CEP135: variants seen among roughly 807,000 people sequenced by gnomAD.
CEP135 encodes the protein centrosomal protein 135, also known as centrosomal protein of 135 kDa.
A neutral mutation model predicts 157.3 loss-of-function variants in CEP135; 142 were observed. That is an observed-to-expected ratio of 0.90 (90% CI 0.79 to 1.04). The LOEUF (loss-of-function observed/expected upper bound fraction) is 1.04. CEP135 is among the 50% of genes least tolerant of loss of function. CEP135 has a pLI of 0.00. For synonymous variants in CEP135, 396 were observed against 439.8 expected (o/e 0.90, Z 1.25); for missense variants, 1,317 against 1,309.2 (o/e 1.01, Z -0.09).
intron 8 of CEP135, among the ~76,000 whole-genome samples, chr4:55,968,475 G>A (rs1049669487): frequency 6.6e-6 from 1 of 150,408 alleles, no homozygotes; most frequent in Non-Finnish European, 1.5e-5. Flanking sequence ...AGGATATAAT[G>A]AGTACAGTTT....
In CEP135 at chr4:55,957,279, G is replaced by T; in HGVS notation, c.529G>T (p.Val177Phe). 6.2e-7 allele frequency: 1 copy of T among 1,614,088 alleles called. No homozygotes were observed. The highest frequency in any genetic ancestry group is 2.2e-5 in the East Asian group (1 of 44,882). ...RRQRMQIDEP[V>F]PPSEVSSYPV... ...CCAGCGTATGCAAATTGATGAACCG[G>T]TTCCTCCCTCTGAAGTCAGTTCATA... is the stretch of plus-strand genomic sequence containing the variant. The change falls in exon 5 of 26, where the codon GTT becomes TTT. Residue 177 changes from valine to phenylalanine, a missense_variant. Coordinates refer to ENST00000257287, the MANE Select transcript of CEP135 (RefSeq NM_025009.5).
At chr4:55,991,178 G>A (rs180986663) in intron 14 of CEP135, among the ~76,000 whole-genome samples, 9 of 152,076 alleles carry the variant, frequency 5.9e-5, no homozygotes, top group East Asian at 3.9e-4. Context: ...GGGTTTCACC[G>A]TGCTAGCCAG....
intron 14 of CEP135, among the ~76,000 whole-genome samples, 200 bp from the exon 15 acceptor site, chr4:55,991,734 C>T (rs1344316406): frequency 6.6e-6 from 1 of 151,996 alleles, no homozygotes; most frequent in East Asian, 1.9e-4. Context: ...TTGTTTGTAT[C>T]TTTAATGGTA....
rs778486860 is a variant in CEP135, at chr4:55,974,736, T to A, written c.1250-10T>A. On this transcript the variant is annotated splice_polypyrimidine_tract_variant and intron_variant, in intron 10 of 25. Transcript: ENST00000257287. ...ACATTATTTTAAGAGTTAACCACTT[T>A]AATTTACAGAACGACAACTTACTCT... The A allele has an allele frequency of 6.2e-7, 1 of 1,601,396 alleles. No homozygotes were observed. The highest frequency in any genetic ancestry group is 1.3e-5 in the African/African-American group (1 of 74,302).
At chr4:56,012,014 G>A in intron 21 of CEP135, 29 bp downstream of exon 21, 1 of 1,271,976 alleles carries the variant, frequency 7.9e-7, no homozygotes, top group Non-Finnish European at 1.0e-6. Flanking sequence ...TTGTAAAGAT[G>A]TTATTTAGTG....
rs202125581 is a variant in CEP135, at chr4:55,980,141, A to G, written c.1474-2A>G. The G allele has an allele frequency of 2.5e-5, 40 of 1,606,700 alleles. No individual in the cohort carries two copies. In the East Asian group the frequency reaches 8.3e-4, roughly 33 times the overall value. ...ATATTTTGTTTTTTAATTATGTTTCAGGGTGATTACAATTCAGAAATTCAT... is the reference window on the plus strand; with the variant it reads ...ATATTTTGTTTTTTAATTATGTTTCGGGGTGATTACAATTCAGAAATTCAT... On this transcript the variant is annotated splice_acceptor_variant, in intron 11 of 25. Transcript: ENST00000257287. LOFTEE classifies it high-confidence loss of function.
At chr4:55,987,395 C>T (rs1326729992) in intron 14 of CEP135, among the ~76,000 whole-genome samples, 1 of 152,168 alleles carries the variant, frequency 6.6e-6, no homozygotes, top group African/African-American at 2.4e-5. Flanking sequence ...TAATACCTGT[C>T]CTGCAAACTT....
intron 2 of CEP135, 98 bp downstream of exon 2, chr4:55,952,341 C>T (rs915414732): frequency 3.3e-5 from 24 of 717,814 alleles, no homozygotes; most frequent in Non-Finnish European, 4.6e-5. Context: ...GGGTAGCTTT[C>T]CGGAAAGGCT....
At chr4:55,976,685 C>T (rs1371527691) in intron 11 of CEP135, among the ~76,000 whole-genome samples, 4 of 152,002 alleles carry the variant, frequency 2.6e-5, no homozygotes, top group African/African-American at 9.7e-5. Flanking sequence ...TTTTAGAGGC[C>T]CAATAATAAA....
chr4:56,009,840 A>G lies in CEP135; in HGVS notation c.2442A>G (p.Glu814=), dbSNP rs377413753. 1 of 1,613,964 alleles carries G rather than the reference A, an allele frequency of 6.2e-7. No homozygotes were observed. Residue 814 remains glutamate (E), a synonymous_variant, in exon 19 of 26, where the codon GAA becomes GAG. Transcript: ENST00000257287. ...TCGATGAAGTAGGAAGATCTAGAGA[A>G]ATCGCTTTTAAGGAAAACAGAAGAC... ...KELDEVGRSR[E]IAFKENRRLQ...
chr4:55,991,980 A>G lies in CEP135; in HGVS notation c.1904A>G (p.Lys635Arg), dbSNP rs1247906747. Residue 635 changes from lysine to arginine, a missense_variant, in exon 15 of 26, where the codon AAA becomes AGA. Physicochemically the swap from Lys to Arg is conservative, Grantham distance 26. Transcript: ENST00000257287. The part of the protein sequence containing the change: ...YELKSKVLIM[K>R]ETIESLENKL... ...TTAAAGTCTAAAGTGTTAATAATGA[A>G]AGAAACAATAGAGTCGTTAGAGAAC... 1.3e-6 allele frequency: 2 copies of G among 1,568,950 alleles called. No individual in the cohort carries two copies. Among genetic ancestry groups the G allele is most frequent in the South Asian group, 2.3e-5 (2 of 85,616 alleles).
chr4:55,969,134 T>C lies in CEP135; in HGVS notation c.1110+6T>C, dbSNP rs371803603. On this transcript the variant is annotated splice_donor_region_variant and intron_variant, in intron 9 of 25. Transcript: ENST00000257287. The stretch of plus-strand genomic sequence containing the variant: ...CAATGGCAAAACTTCAGCTGGTAAG[T>C]TGATGTCATGTTGAATTGCCAGCAT... The C allele has an allele frequency of 1.9e-6, 3 of 1,610,304 alleles. No homozygotes were observed. In the African/African-American group the frequency reaches 4.0e-5, roughly 22 times the overall value.
At chr4:55,982,103 G>C (rs1018832414) in intron 13 of CEP135, among the ~76,000 whole-genome samples, 2 of 152,020 alleles carry the variant, frequency 1.3e-5, no homozygotes, top group Non-Finnish European at 2.9e-5. Context: ...GCACATTAGC[G>C]TCACTCCCCA....
At chr4:56,013,683 A>G (rs1245754327) in intron 21 of CEP135, among the ~76,000 whole-genome samples, 1 of 152,214 alleles carries the variant, frequency 6.6e-6, no homozygotes, top group Non-Finnish European at 1.5e-5. Context: ...TTAGATTGAT[A>G]TACAATAGTT....
rs1315911394 is a variant in CEP135 at position 56,011,442 on chromosome 4, CAAGAAAAAG to C, written c.2543_2551del (p.Lys848_Glu850del). ...CTCATTGGAATTGGAAGCAGCAGTG[CAAGAAAAAG>C]AAGAAATGAAGAGCAGAGTTCATAA... On this transcript the variant is annotated inframe_deletion, in exon 20 of 26. Coordinates refer to ENST00000257287, the MANE Select transcript of CEP135 (RefSeq NM_025009.5). 3.7e-6 allele frequency: 6 copies of C among 1,611,272 alleles called. No homozygotes were observed. Among genetic ancestry groups the C allele is most frequent in the Non-Finnish European group, 5.1e-6 (6 of 1,179,208 alleles).
At chr4:56,000,060 G>A (rs1319740031) in intron 17 of CEP135, among the ~76,000 whole-genome samples, 1 of 151,786 alleles carries the variant, frequency 6.6e-6, no homozygotes, top group African/African-American at 2.4e-5. Flanking sequence ...GTGTGGTGGT[G>A]TGCACCTGTG....
Position 55,984,719 on chromosome 4 carries a change from C to T in CEP135, c.1780-562C>T, listed in dbSNP as rs138984104. The stretch of plus-strand genomic sequence containing the variant: ...AATGAATCCATGCTAGAAAAACTCT[C>T]AGTGAACACCAAGTTATATTGCTTA... On this transcript the variant is annotated intron_variant, in intron 13 of 25. Transcript: ENST00000257287. Among the ~76,000 whole-genome samples, 781 of 152,290 alleles carry T rather than the reference C, an allele frequency of 5.1e-3. 9 individuals carry two copies. Among genetic ancestry groups the T allele is most frequent in the African/African-American group, 0.018 (736 of 41,544 alleles).
chr4:56,014,922 T>G (rs1319591344), intron 21 of CEP135, among the ~76,000 whole-genome samples: 1 of 151,920 alleles, frequency 6.6e-6, no homozygotes, highest in Non-Finnish European at 1.5e-5. Context: ...TAGCCAAACA[T>G]GGTGGCACGT....
intron 4 of CEP135, among the ~76,000 whole-genome samples, chr4:55,956,703 C>T (rs916191460): frequency 3.9e-5 from 6 of 152,194 alleles, no homozygotes; most frequent in Non-Finnish European, 7.4e-5. Context: ...CTCGGCCTCC[C>T]GGGTTCAAGA....
Sources: allele counts gnomAD v4.1 joint callset (sites outside exome capture counted in the v4.1 genomes callset), GRCh38; gene constraint gnomAD v4.1.1; transcripts MANE v1.5; gene names NCBI Gene and HGNC (gene_info 2026-07-23, HGNC 2026-07-21).